PIBF1: variants seen among roughly 807,000 people sequenced by gnomAD.
PIBF1 encodes the protein progesterone-induced-blocking factor 1.
In PIBF1, 90 loss-of-function variants were observed where a neutral mutation model predicts 112.5. That is an observed-to-expected ratio of 0.80 (90% CI 0.67 to 0.95). The LOEUF (loss-of-function observed/expected upper bound fraction) is 0.95, where lower values mean the gene tolerates loss of function less well. Ranked by LOEUF, PIBF1 falls within the 40% of genes least tolerant of loss-of-function variation. The pLI is 0.00. For synonymous variants in PIBF1, 301 were observed against 288.6 expected (o/e 1.04, Z -0.44); for missense variants, 915 against 852.3 (o/e 1.07, Z -0.92).
chr13:72,984,208 G>T (rs550902853), intron 16 of PIBF1, among the ~76,000 whole-genome samples: 13 of 152,182 alleles, frequency 8.5e-5, no homozygotes, highest in South Asian at 2.1e-4. Flanking sequence ...TAAAGCTATT[G>T]TATTAACAGT....
intron 9 of PIBF1, among the ~76,000 whole-genome samples, chr13:72,839,954 T>C (rs1011408010): frequency 6.6e-6 from 1 of 152,264 alleles, no homozygotes; most frequent in Middle Eastern, 3.4e-3. Context: ...GGATTGGGGC[T>C]GCCCTGTGGA....
At chr13:72,931,408 G>T in intron 14 of PIBF1, 141 bp downstream of exon 14, 1 of 675,186 alleles carries the variant, frequency 1.5e-6, no homozygotes. Flanking sequence ...CTAACTGAAT[G>T]TTAAGGCCAT....
intron 12 of PIBF1, among the ~76,000 whole-genome samples, chr13:72,911,470 A>G (rs1462253244): frequency 6.6e-6 from 1 of 152,196 alleles, no homozygotes; most frequent in Non-Finnish European, 1.5e-5. Flanking sequence ...ACCAATATTA[A>G]TCTGAGACGA....
intron 17 of PIBF1, among the ~76,000 whole-genome samples, chr13:73,011,862 G>A (rs558137274): frequency 2.8e-4 from 42 of 152,256 alleles, no homozygotes; most frequent in African/African-American, 8.4e-4. Context: ...CAGAACCAGA[G>A]TCAATTGTGC....
chr13:72,864,420 T>A (rs2038836410), intron 10 of PIBF1, among the ~76,000 whole-genome samples: 1 of 152,184 alleles, frequency 6.6e-6, no homozygotes. Flanking sequence ...AAGGAAATGA[T>A]GTGGATGAAG....
intron 2 of PIBF1, among the ~76,000 whole-genome samples, chr13:72,790,633 A>G (rs985494018): frequency 1.3e-5 from 2 of 152,168 alleles, no homozygotes; most frequent in Admixed American, 6.5e-5. Context: ...ACAGAGGGCT[A>G]TAAAGTAAGT....
intron 5 of PIBF1, among the ~76,000 whole-genome samples, chr13:72,818,775 T>C (rs1352393514): frequency 6.6e-6 from 1 of 151,532 alleles, no homozygotes; most frequent in African/African-American, 2.4e-5. Flanking sequence ...TCTTTATTTT[T>C]CTAGCTGAGC....
chr13:72,981,423 A>G (rs1379447873), intron 16 of PIBF1, among the ~76,000 whole-genome samples: 1 of 152,158 alleles, frequency 6.6e-6, no homozygotes, highest in Non-Finnish European at 1.5e-5. Context: ...GTGATAGGAA[A>G]GGAGATCCAT....
chr13:72,999,647 T>C (rs763302409), intron 17 of PIBF1, among the ~76,000 whole-genome samples: 1 of 152,238 alleles, frequency 6.6e-6, no homozygotes, highest in Non-Finnish European at 1.5e-5. Flanking sequence ...TGAGAACTTC[T>C]GATCTCAGTC....
intron 10 of PIBF1, among the ~76,000 whole-genome samples, chr13:72,858,726 T>C (rs187181766): frequency 6.6e-6 from 1 of 152,296 alleles, no homozygotes; most frequent in East Asian, 1.9e-4. Flanking sequence ...TGTTTTTAAT[T>C]AAATTTAAAC....
chr13:72,967,682 T>C (rs1231813658), intron 15 of PIBF1, among the ~76,000 whole-genome samples: 1 of 152,238 alleles, frequency 6.6e-6, no homozygotes, highest in East Asian at 1.9e-4. Context: ...CTTTAATGAG[T>C]TGATCGTTGT....
chr13:72,910,217 A>G (rs1476726425), intron 12 of PIBF1, among the ~76,000 whole-genome samples: 3 of 152,128 alleles, frequency 2.0e-5, no homozygotes, highest in African/African-American at 4.8e-5. Context: ...TTTATCTTCA[A>G]TTTCTTCACT....
At chr13:72,909,226 TTC>T (rs1399150785) in intron 12 of PIBF1, among the ~76,000 whole-genome samples, 143 of 152,286 alleles carry the variant, frequency 9.4e-4, no homozygotes, top group African/African-American at 3.4e-3. Context: ...TTTTATCAAA[TTC>T]ACTTACTCCA....
chr13:72,885,265 T>C (rs2039802418), intron 10 of PIBF1, among the ~76,000 whole-genome samples: 1 of 152,170 alleles, frequency 6.6e-6, no homozygotes, highest in South Asian at 2.1e-4. Context: ...GGCTTCTCTT[T>C]TCTTCACTCT....
At chr13:72,829,158 T>G (rs914400001) in intron 8 of PIBF1, among the ~76,000 whole-genome samples, 8 of 152,148 alleles carry the variant, frequency 5.3e-5, no homozygotes, top group Non-Finnish European at 1.2e-4. Context: ...GTTTAAGTTC[T>G]TTGTAGATTC....
intron 16 of PIBF1, among the ~76,000 whole-genome samples, chr13:72,995,546 T>C (rs1406642715): frequency 1.3e-5 from 2 of 152,148 alleles, no homozygotes; most frequent in African/African-American, 4.8e-5. Flanking sequence ...AATGGTCTCT[T>C]CAGTACATGA....
chr13:72,966,572 A>G (rs2042744886), intron 15 of PIBF1, among the ~76,000 whole-genome samples: 1 of 152,190 alleles, frequency 6.6e-6, no homozygotes, highest in Non-Finnish European at 1.5e-5. Context: ...AAAGAACCCC[A>G]AATAGAATTT....
In PIBF1 at chr13:72,965,283, G is replaced by A; in HGVS notation, c.1843G>A (p.Ala615Thr). The A allele has an allele frequency of 1.2e-6, 2 of 1,609,044 alleles. No individual in the cohort carries two copies. The highest frequency in any genetic ancestry group is 1.3e-5 in the African/African-American group (1 of 74,814). ...VTQLSQELDRANSLLNQTQQP... is the reference protein window; with the variant it reads ...VTQLSQELDRTNSLLNQTQQP... Reference sequence around the variant, plus strand: ...ACCTGTGTTTCTTTAGCTTGACAGAGCCAATTCGCTATTAAACCAGACTCA... The same window carrying A: ...ACCTGTGTTTCTTTAGCTTGACAGAACCAATTCGCTATTAAACCAGACTCA... Residue 615 changes from alanine (A) to threonine (T), a missense_variant, in exon 15 of 18, where the codon GCC becomes ACC. By Grantham distance (58) the Ala-to-Thr change is moderately conservative. Coordinates refer to ENST00000326291, the MANE Select transcript of PIBF1 (RefSeq NM_006346.4).
intron 14 of PIBF1, among the ~76,000 whole-genome samples, chr13:72,945,045 C>G (rs1373117020): frequency 6.6e-6 from 1 of 152,170 alleles, no homozygotes; most frequent in African/African-American, 2.4e-5. Context: ...TTGGCCCCCT[C>G]TCCCTCTCCC....
Sources: allele counts gnomAD v4.1 joint callset (sites outside exome capture counted in the v4.1 genomes callset), GRCh38; gene constraint gnomAD v4.1.1; transcripts MANE v1.5; gene names NCBI Gene and HGNC (gene_info 2026-07-23, HGNC 2026-07-21).